Variants in CNTN5 observed in about 807,000 individuals in gnomAD.
CNTN5 encodes the protein contactin-5.
CNTN5 carries 77 observed loss-of-function variants against 129.1 expected under a neutral mutation model. The ratio of observed to expected loss-of-function variants is 0.60; its 90% CI spans 0.50 to 0.72. The LOEUF (loss-of-function observed/expected upper bound fraction) is 0.72. CNTN5 is among the 30% of genes least tolerant of loss of function. The pLI is 0.00. For synonymous variants in CNTN5, 509 were observed against 465.6 expected (o/e 1.09, Z -1.20); for missense variants, 1,478 against 1,328.8 (o/e 1.11, Z -1.75).
chr11:99,787,253 T>A (rs1391370691), intron 3 of CNTN5, among the ~76,000 whole-genome samples: 1 of 151,562 alleles, frequency 6.6e-6, no homozygotes, highest in Non-Finnish European at 1.5e-5. Flanking sequence ...GTAAATGCAC[T>A]TTAGAAAGAG....
At chr11:99,255,916 A>G (rs1862357621) in intron 1 of CNTN5, among the ~76,000 whole-genome samples, 2 of 152,032 alleles carry the variant, frequency 1.3e-5, no homozygotes, top group South Asian at 2.1e-4. Flanking sequence ...GTTCAGCAAC[A>G]GTTCTTTTTA....
At chr11:99,825,307 T>A (rs1946919649) in intron 4 of CNTN5, among the ~76,000 whole-genome samples, 2 of 152,022 alleles carry the variant, frequency 1.3e-5, no homozygotes, top group African/African-American at 4.8e-5. Context: ...TATGCCTATT[T>A]CTTTTGTGAT....
chr11:99,589,593 A>C (rs1415994006), intron 3 of CNTN5, among the ~76,000 whole-genome samples: 1 of 152,210 alleles, frequency 6.6e-6, no homozygotes, highest in East Asian at 1.9e-4. Context: ...TCAAGTCACA[A>C]ATTCCTTCCT....
chr11:99,446,462 T>A (rs563250192), intron 2 of CNTN5, among the ~76,000 whole-genome samples: 1 of 152,206 alleles, frequency 6.6e-6, no homozygotes, highest in Admixed American at 6.5e-5. Context: ...GATTTTATTA[T>A]GACTTTTACC....
intron 17 of CNTN5, among the ~76,000 whole-genome samples, chr11:100,270,889 C>A (rs1314381972): frequency 6.6e-6 from 1 of 152,304 alleles, no homozygotes; most frequent in Non-Finnish European, 1.5e-5. Context: ...TTAACTCCAA[C>A]AAACTTTGAC....
chr11:99,264,163 A>G (rs1862772914), intron 1 of CNTN5, among the ~76,000 whole-genome samples: 1 of 151,690 alleles, frequency 6.6e-6, no homozygotes, highest in Non-Finnish European at 1.5e-5. Flanking sequence ...TTCTACAACT[A>G]TGAACAATGA....
At chr11:100,256,884 A>T (rs1950082786) in intron 17 of CNTN5, among the ~76,000 whole-genome samples, 1 of 152,092 alleles carries the variant, frequency 6.6e-6, no homozygotes. Flanking sequence ...CCATTTGGGC[A>T]GACATCCAGC....
intron 7 of CNTN5, among the ~76,000 whole-genome samples, chr11:99,931,686 A>G (rs1950196181): frequency 6.6e-6 from 1 of 152,198 alleles, no homozygotes; most frequent in African/African-American, 2.4e-5. Context: ...TGTTACGTTC[A>G]TTTGGTTTGG....
At chr11:100,250,002 C>T (rs552605715) in intron 16 of CNTN5, among the ~76,000 whole-genome samples, 16 of 152,178 alleles carry the variant, frequency 1.1e-4, no homozygotes, top group South Asian at 2.1e-4. Context: ...AGGTAAATCA[C>T]GCTGCCAATT....
At chr11:99,363,826 T>A (rs1466466565) in intron 2 of CNTN5, among the ~76,000 whole-genome samples, 1 of 152,146 alleles carries the variant, frequency 6.6e-6, no homozygotes. Flanking sequence ...TTCATAGTTA[T>A]GAAAATTCGT....
chr11:99,161,470 A>G (rs1860607922), intron 1 of CNTN5, among the ~76,000 whole-genome samples: 1 of 152,058 alleles, frequency 6.6e-6, no homozygotes, highest in Non-Finnish European at 1.5e-5. Flanking sequence ...AGGGGTGTTT[A>G]TAGGAGGCCC....
intron 1 of CNTN5, among the ~76,000 whole-genome samples, chr11:99,057,178 A>G (rs898388397): frequency 6.6e-6 from 1 of 151,774 alleles, no homozygotes. Flanking sequence ...GCACCTCTGT[A>G]TGTTCTCATG....
At position 100,072,990 on chromosome 11, in the gene CNTN5, C is replaced by CAAAAAAAAAAAAAAA. The variant is rs61042118; in HGVS notation, c.1430-1147_1430-1133dup. Among the ~76,000 whole-genome samples, 149 of 79,056 alleles carry CAAAAAAAAAAAAAAA rather than the reference C, an allele frequency of 1.9e-3. 16 individuals are homozygous for CAAAAAAAAAAAAAAA. Among genetic ancestry groups the CAAAAAAAAAAAAAAA allele is most frequent in the African/African-American group, 6.1e-3 (100 of 16,510 alleles). 51.9% of individuals were successfully genotyped at this position (79,056 alleles called of 152,430 possible). A position where few individuals can be genotyped will look rare whatever the true frequency, so the allele number is the denominator to read the frequency against. On this transcript the variant is annotated intron_variant, in intron 12 of 24. Coordinates refer to ENST00000524871, the MANE Select transcript of CNTN5 (RefSeq NM_014361.4). The stretch of plus-strand genomic sequence containing the variant: ...TTTTGTAAATTCTATTCCCAGGAGG[C>CAAAAAAAAAAAAAAA]AAAAAAAAAAAAAAAAAAAAAGTTA...
At chr11:100,272,627 C>A (rs118187090) in intron 18 of CNTN5, among the ~76,000 whole-genome samples, 3,998 of 152,104 alleles carry the variant, frequency 0.026, 59 homozygotes, top group Non-Finnish European at 0.04. Flanking sequence ...GTGCTCCTAA[C>A]AGATCTTCAC....
chr11:99,362,462 T>C (rs1406104872), intron 2 of CNTN5, among the ~76,000 whole-genome samples: 1 of 152,016 alleles, frequency 6.6e-6, no homozygotes, highest in Non-Finnish European at 1.5e-5. Flanking sequence ...TATCCTTTGA[T>C]GCACAGAAGT....
chr11:100,194,603 G>GAAA (rs774548959), intron 15 of CNTN5, among the ~76,000 whole-genome samples: 6 of 125,060 alleles, frequency 4.8e-5, no homozygotes, highest in African/African-American at 1.4e-4. Flanking sequence ...GGGATACAAG[G>GAAA]AAAAAAAAAA....
intron 3 of CNTN5, among the ~76,000 whole-genome samples, chr11:99,728,844 A>C (rs1943437969): frequency 6.6e-6 from 1 of 152,172 alleles, no homozygotes; most frequent in Non-Finnish European, 1.5e-5. Context: ...GAAAGGAAAG[A>C]AGCATTTTGA....
chr11:100,234,716 C>T (rs377762153), intron 16 of CNTN5, among the ~76,000 whole-genome samples: 38 of 145,650 alleles, frequency 2.6e-4, no homozygotes, highest in African/African-American at 8.6e-4. Context: ...GACAGGTTGA[C>T]GGGTGCAGCA....
chr11:99,291,299 T>C (rs1864160543), intron 1 of CNTN5, among the ~76,000 whole-genome samples: 1 of 151,926 alleles, frequency 6.6e-6, no homozygotes, highest in African/African-American at 2.4e-5. Context: ...TCTTACTTAA[T>C]ATTTTATCAA....
Sources: gnomAD v4.1 joint callset for allele counts (sites outside exome capture counted in the v4.1 genomes callset) on GRCh38, gnomAD v4.1.1 for gene constraint, MANE v1.5 for transcripts, NCBI Gene and HGNC (gene_info 2026-07-23, HGNC 2026-07-21) for gene names.